The following RIPOR2 variants were observed in gnomAD, a reference collection of about 807,000 sequenced individuals.
The protein encoded by RIPOR2 is rho family-interacting cell polarization regulator 2.
RIPOR2 carries 39 observed loss-of-function variants against 114.5 expected under a neutral mutation model. That is an observed-to-expected ratio of 0.34 (90% CI 0.26 to 0.44). The LOEUF is 0.44. Among genes scored for constraint, RIPOR2 ranks in the 20% least tolerant of loss-of-function variants. The pLI, the probability that RIPOR2 is intolerant of heterozygous loss-of-function variation, is 1.00. For synonymous variants in RIPOR2, 445 were observed against 484.4 expected, an observed-to-expected ratio of 0.92 and a Z score of 1.07; for missense variants, 1,007 against 1,255.1, an observed-to-expected ratio of 0.80 and a Z score of 2.99.
rs759677545 is a variant in RIPOR2, at chr6:24,806,414, C to A, written c.3103G>T (p.Val1035Phe). 20 of 1,551,646 alleles carry A rather than the reference C, an allele frequency of 1.3e-5. No homozygotes were observed. Among genetic ancestry groups the A allele is most frequent in the Non-Finnish European group, 1.7e-5 (20 of 1,146,988 alleles). Residue 1035 changes from valine to phenylalanine, a missense_variant, in exon 22 of 22, where the codon GTC becomes TTC. Val to Phe is a conservative substitution (Grantham distance 50). Coordinates refer to ENST00000643898, the MANE Select transcript of RIPOR2 (RefSeq NM_001286445.3). ...ACTTCAGTTCCATGACGACCTCCGA[C>A]TTTAACACAGTCTCGAGGAAATTTG... is the stretch of plus-strand genomic sequence containing the variant. ...LDKFPRDCVK[V>F]GGRHGTEVAT...
At chr6:24,909,765 CT>C (rs368949126) in intron 1 of RIPOR2, among the ~76,000 whole-genome samples, 1 of 152,232 alleles carries the variant, frequency 6.6e-6, no homozygotes, top group African/African-American at 2.4e-5. Flanking sequence ...TTTATCATAA[CT>C]GTTTTCCCAG....
At chr6:24,919,798 C>T (rs1581797888) in intron 1 of RIPOR2, among the ~76,000 whole-genome samples, 1 of 152,126 alleles carries the variant, frequency 6.6e-6, no homozygotes. Context: ...AGCTGTAGGC[C>T]GTGTGCCCCT....
At chr6:24,849,207 G>C (rs1179955323) in intron 11 of RIPOR2, among the ~76,000 whole-genome samples, 1 of 152,150 alleles carries the variant, frequency 6.6e-6, no homozygotes, top group Non-Finnish European at 1.5e-5. Flanking sequence ...ACCTGGAGCT[G>C]CTAGTGTTAA....
chr6:24,932,372 A>G (rs1468704020), intron 1 of RIPOR2, among the ~76,000 whole-genome samples: 2 of 151,970 alleles, frequency 1.3e-5, no homozygotes, highest in Non-Finnish European at 2.9e-5. Flanking sequence ...GAGAGAAGAA[A>G]CAGATGGAGA....
At chr6:24,915,789 G>A (rs1272112845) in intron 1 of RIPOR2, among the ~76,000 whole-genome samples, 1 of 152,194 alleles carries the variant, frequency 6.6e-6, no homozygotes, top group Non-Finnish European at 1.5e-5. Flanking sequence ...GCACACTGAT[G>A]GTTCTGGCAC....
intron 2 of RIPOR2, 30 bp downstream of exon 2, chr6:24,875,661 C>T: frequency 6.3e-7 from 1 of 1,598,916 alleles, no homozygotes; most frequent in Non-Finnish European, 8.5e-7. Context: ...TGGCAAGCTG[C>T]ATCCCGGGAG....
chr6:24,910,787 CAAA>C (rs573895745), intron 1 of RIPOR2: 1 of 984,666 alleles, frequency 1.0e-6, no homozygotes, highest in Non-Finnish European at 1.2e-6. Flanking sequence ...AAATCAGAAG[CAAA>C]AAAGGAGAAA....
At chr6:24,954,456 C>CTGTTT (rs1772936229) in intron 1 of RIPOR2, among the ~76,000 whole-genome samples, 2 of 132,390 alleles carry the variant, frequency 1.5e-5, no homozygotes, top group East Asian at 4.6e-4. Flanking sequence ...TCTCTCTCTC[C>CTGTTT]TTTTTTTTTT....
At chr6:24,829,301 G>A (rs970385256) in intron 17 of RIPOR2, among the ~76,000 whole-genome samples, 7 of 151,398 alleles carry the variant, frequency 4.6e-5, no homozygotes, top group Admixed American at 1.3e-4. Flanking sequence ...GCAACAGAGC[G>A]AGACTCCATC....
chr6:24,862,576 G>A (rs1227048905), intron 7 of RIPOR2, among the ~76,000 whole-genome samples: 3 of 152,204 alleles, frequency 2.0e-5, no homozygotes, highest in Admixed American at 2.0e-4. Flanking sequence ...ACTTCCTGAA[G>A]TCTGAGCTCT....
chr6:24,943,785 G>A (rs75231903), intron 1 of RIPOR2, among the ~76,000 whole-genome samples: 2,135 of 152,218 alleles, frequency 0.014, 43 homozygotes, highest in African/African-American at 0.048. Flanking sequence ...TGGAGATAAA[G>A]CTTCTTCAAA....
At chr6:24,819,806 T>A (rs765049698) in intron 19 of RIPOR2, among the ~76,000 whole-genome samples, 10 of 151,540 alleles carry the variant, frequency 6.6e-5, no homozygotes, top group Non-Finnish European at 1.0e-4. Context: ...CGGCCAATTG[T>A]CTTATTTTTA....
rs1019904206 is a variant in RIPOR2 at position 24,945,985 on chromosome 6, A to G, written c.77-70168T>C. The stretch of plus-strand genomic sequence containing the variant: ...TCCATGGATAAATGAACTCACTGAA[A>G]GAAAGTCAACCTCACTCATCTCATT... On this transcript the variant is annotated intron_variant, in intron 1 of 13. Transcript: ENST00000510784. 4.3e-4 allele frequency among the ~76,000 whole-genome samples: 65 copies of G among 152,314 alleles called. 1 individual carries two copies. The highest frequency in any genetic ancestry group is 2.5e-3 in the Admixed American group (39 of 15,300).
At chr6:24,999,042 G>C (rs1314237188) in intron 1 of RIPOR2, among the ~76,000 whole-genome samples, 1 of 152,194 alleles carries the variant, frequency 6.6e-6, no homozygotes, top group Non-Finnish European at 1.5e-5. Flanking sequence ...ATTGATCTGG[G>C]AGATCAAATG....
At chr6:25,018,886 A>G (rs1776156209) in intron 1 of RIPOR2, among the ~76,000 whole-genome samples, 1 of 152,164 alleles carries the variant, frequency 6.6e-6, no homozygotes, top group South Asian at 2.1e-4. Flanking sequence ...GAGTTTGGAT[A>G]TCTATTGATG....
chr6:24,936,061 T>A, upstream of RIPOR2: 1 of 588,300 alleles, frequency 1.7e-6, no homozygotes, highest in Non-Finnish European at 3.0e-6. Flanking sequence ...ATGAATAGGC[T>A]TCTTGAGCCT....
intron 1 of RIPOR2, among the ~76,000 whole-genome samples, chr6:24,969,052 T>A (rs1420019297): frequency 6.6e-6 from 1 of 152,188 alleles, no homozygotes; most frequent in Non-Finnish European, 1.5e-5. Flanking sequence ...ATAAAGTGCT[T>A]GTGAAAAAGC....
chr6:24,806,238 C>A lies in RIPOR2; in HGVS notation c.*135G>T. The A allele has an allele frequency of 1.4e-6, 1 of 691,378 alleles. No homozygotes were observed. The highest frequency in any genetic ancestry group is 1.7e-5 in the South Asian group (1 of 60,158). The allele number at this position is 691,378 out of a possible 1,614,324, so 42.8% of individuals were successfully genotyped here. On this transcript the variant is annotated 3_prime_UTR_variant, in exon 22 of 22. Transcript: ENST00000643898. Reference sequence around the variant, plus strand: ...AAAGTACTGGGATTACAGGCATGAGCCACTGCACCTGGCCTACATTTTTAT... The same window carrying A: ...AAAGTACTGGGATTACAGGCATGAGACACTGCACCTGGCCTACATTTTTAT...
intron 21 of RIPOR2, among the ~76,000 whole-genome samples, chr6:24,807,425 T>C (rs1256389910): frequency 1.3e-4 from 20 of 152,148 alleles, no homozygotes; most frequent in Non-Finnish European, 1.5e-5. Context: ...TGAGACGAGA[T>C]TGCATCATTG....
Sources: allele counts gnomAD v4.1 joint callset (sites outside exome capture counted in the v4.1 genomes callset), GRCh38; gene constraint gnomAD v4.1.1; transcripts MANE v1.5; gene names NCBI Gene and HGNC (gene_info 2026-07-23, HGNC 2026-07-21).